The following PDE4B variants were observed in gnomAD, a reference collection of about 807,000 sequenced individuals.
PDE4B encodes phosphodiesterase 4B, also known as 3',5'-cyclic-AMP phosphodiesterase 4B.
A neutral mutation model predicts 82.2 loss-of-function variants in PDE4B; 20 were observed. The ratio of observed to expected loss-of-function variants is 0.24; its 90% CI spans 0.17 to 0.35. PDE4B has a LOEUF of 0.35. Among genes scored for constraint, PDE4B ranks in the 10% least tolerant of loss-of-function variants. The probability of loss-of-function intolerance (pLI) is 1.00; values close to 1 mark genes in which losing one functional copy is unlikely to be tolerated. For missense variants in PDE4B, 655 were observed against 907.2 expected (o/e 0.72, Z 3.57); for synonymous variants, 320 against 318.9 (o/e 1.00, Z -0.04).
chr1:66,138,329 G>A (rs1646100139), intron 3 of PDE4B, among the ~76,000 whole-genome samples: 1 of 152,126 alleles, frequency 6.6e-6, no homozygotes, highest in East Asian at 1.9e-4. Flanking sequence ...GATGAGCCTG[G>A]CCAACATGGT....
chr1:66,113,192 G>A (rs1233752426), intron 3 of PDE4B, among the ~76,000 whole-genome samples: 1 of 152,094 alleles, frequency 6.6e-6, no homozygotes, highest in African/African-American at 2.4e-5. Flanking sequence ...TGCATTGCTG[G>A]GCTGCTCCAG....
At position 65,993,188 on chromosome 1, in the gene PDE4B, C is replaced by T. The variant is rs112074924; in HGVS notation, c.281+74353C>T. Reference sequence around the variant, plus strand: ...ATCTACAGTGCTTTTCAGATTCTCGCATTAGCACCAGTGATCTAGCAGTGT... The same window carrying T: ...ATCTACAGTGCTTTTCAGATTCTCGTATTAGCACCAGTGATCTAGCAGTGT... On this transcript the variant is annotated intron_variant, in intron 3 of 16. Transcript: ENST00000341517. The T allele has an allele frequency of 6.1e-4, 835 of 1,377,732 alleles. 4 individuals carry two copies. In the African/African-American group the frequency reaches 0.011, roughly 17 times the overall value. 85.3% of individuals were successfully genotyped at this position (1,377,732 alleles called of 1,614,324 possible). A position where few individuals can be genotyped will look rare whatever the true frequency, so the allele number is the denominator to read the frequency against.
intron 3 of PDE4B, among the ~76,000 whole-genome samples, chr1:66,042,286 A>C (rs756251986): frequency 5.3e-5 from 8 of 151,872 alleles, no homozygotes; most frequent in Non-Finnish European, 1.2e-4. Context: ...TTTCCAAAGA[A>C]AGGAAGCTAG....
intron 3 of PDE4B, among the ~76,000 whole-genome samples, chr1:66,112,990 G>A (rs571876920): frequency 2.0e-5 from 3 of 152,226 alleles, no homozygotes; most frequent in Non-Finnish European, 4.4e-5. Context: ...AGCTTTTAAA[G>A]TGACCAAGTT....
At chr1:65,878,132 G>T (rs1267323944) in intron 1 of PDE4B, among the ~76,000 whole-genome samples, 2 of 151,846 alleles carry the variant, frequency 1.3e-5, no homozygotes, top group African/African-American at 4.8e-5. Flanking sequence ...CATGAAAAAA[G>T]CTCATTATCA....
At chr1:66,145,404 G>A (rs555180452) in intron 3 of PDE4B, among the ~76,000 whole-genome samples, 13 of 152,262 alleles carry the variant, frequency 8.5e-5, no homozygotes, top group African/African-American at 1.9e-4. Flanking sequence ...GCTGGAGAGC[G>A]TTGCAACAGT....
intron 1 of PDE4B, among the ~76,000 whole-genome samples, chr1:65,794,651 A>G (rs985576342): frequency 2.6e-5 from 4 of 152,202 alleles, no homozygotes; most frequent in Admixed American, 2.6e-4. Flanking sequence ...CAGCTCTTCA[A>G]ATCAATACTT....
intron 1 of PDE4B, among the ~76,000 whole-genome samples, chr1:65,879,715 C>G (rs1348605694): frequency 2.0e-5 from 3 of 152,192 alleles, no homozygotes; most frequent in Non-Finnish European, 4.4e-5. Flanking sequence ...GCCTGTATAG[C>G]TGTAGTACAA....
At chr1:66,229,753 A>C (rs1044349623) in intron 3 of PDE4B, among the ~76,000 whole-genome samples, 10 of 152,176 alleles carry the variant, frequency 6.6e-5, no homozygotes, top group Non-Finnish European at 1.3e-4. Flanking sequence ...GTGGCTAAAA[A>C]AAAAACCCTG....
intron 7 of PDE4B, 35 bp downstream of exon 7, chr1:66,266,122 A>T: frequency 2.7e-6 from 4 of 1,454,662 alleles, no homozygotes; most frequent in Non-Finnish European, 3.9e-6. Context: ...TAGATGTTTC[A>T]AGATAGAATA....
chr1:66,070,998 T>G (rs1656127564), intron 3 of PDE4B, among the ~76,000 whole-genome samples: 1 of 152,056 alleles, frequency 6.6e-6, no homozygotes, highest in Non-Finnish European at 1.5e-5. Flanking sequence ...TAAAAATGAC[T>G]GTTTAAAATT....
At chr1:65,930,991 G>C (rs750219069) in intron 3 of PDE4B, among the ~76,000 whole-genome samples, 9 of 152,210 alleles carry the variant, frequency 5.9e-5, no homozygotes, top group Non-Finnish European at 1.3e-4. Flanking sequence ...TTGGAAGTGG[G>C]ACCTGGTGGG....
At chr1:65,999,456 C>T (rs2100703430) in intron 3 of PDE4B, among the ~76,000 whole-genome samples, 1 of 152,250 alleles carries the variant, frequency 6.6e-6, no homozygotes, top group Admixed American at 6.5e-5. Flanking sequence ...CACTTCTGGC[C>T]TTTGCACTTG....
intron 1 of PDE4B, among the ~76,000 whole-genome samples, chr1:65,848,225 A>G (rs563089909): frequency 6.6e-6 from 1 of 151,638 alleles, no homozygotes; most frequent in African/African-American, 2.4e-5. Flanking sequence ...TGCAACCTCC[A>G]CCTTCTGGGT....
rs142483853 is a variant in PDE4B, at chr1:66,357,818, T to G, written c.841+2198T>G. Among the ~76,000 whole-genome samples, 4 of 152,258 alleles carry G rather than the reference T, an allele frequency of 2.6e-5. No individual in the cohort carries two copies. The East Asian group carries it at 7.7e-4, about 29-fold the overall frequency. ...CACTTGTAAAATGGGAACACTGGTA[T>G]AGATGACATCTCAAATCCCTTCCAA... On this transcript the variant is annotated intron_variant, in intron 9 of 16. Transcript: ENST00000341517.
rs772442085 is a variant in PDE4B at position 66,363,402 on chromosome 1, C to T, written c.1120-5C>T. On this transcript the variant is annotated splice_polypyrimidine_tract_variant and splice_region_variant and intron_variant, in intron 11 of 16. Transcript: ENST00000341517. The stretch of plus-strand genomic sequence containing the variant: ...ATTTATGTTCTAATCCATTTTACAA[C>T]ACAGGAAAGAGACCTCCTAAAGACA... 20 of 1,608,650 alleles carry T rather than the reference C, an allele frequency of 1.2e-5. No homozygotes were observed. The South Asian group carries it at 1.7e-4, about 13-fold the overall frequency.
chr1:65,836,396 A>G (rs1421759381), intron 1 of PDE4B, among the ~76,000 whole-genome samples: 1 of 152,116 alleles, frequency 6.6e-6, no homozygotes, highest in Non-Finnish European at 1.5e-5. Context: ...CATTTTCCTC[A>G]TGTAATATTG....
intron 3 of PDE4B, among the ~76,000 whole-genome samples, chr1:66,152,774 T>C (rs1183040788): frequency 6.6e-6 from 1 of 151,794 alleles, no homozygotes; most frequent in Non-Finnish European, 1.5e-5. Flanking sequence ...GGAGTCAATG[T>C]TGTAGTCTTG....
intron 7 of PDE4B, among the ~76,000 whole-genome samples, chr1:66,272,779 CTT>C (rs869201227): frequency 1.5e-3 from 94 of 61,664 alleles, no homozygotes; most frequent in African/African-American, 4.8e-3. Context: ...TACTAGAATT[CTT>C]TTTTTTTTTT....
Sources: gnomAD v4.1 joint callset for allele counts (sites outside exome capture counted in the v4.1 genomes callset) on GRCh38, gnomAD v4.1.1 for gene constraint, MANE v1.5 for transcripts, NCBI Gene and HGNC (gene_info 2026-07-23, HGNC 2026-07-21) for gene names.